Variants in ITPRID1 observed in about 807,000 individuals in gnomAD.
The protein encoded by ITPRID1 is ITPR interacting domain containing 1.
In ITPRID1, 96 loss-of-function variants were observed where a neutral mutation model predicts 95.4. That is an observed-to-expected ratio of 1.01 (90% CI 0.85 to 1.19). ITPRID1 has a LOEUF of 1.19. Ranked by LOEUF, ITPRID1 falls within the 50% of genes most tolerant of loss-of-function variation. The pLI is 0.00. For missense variants in ITPRID1, 1,339 were observed against 1,252.9 expected (o/e 1.07, Z -1.04); for synonymous variants, 510 against 453.6 (o/e 1.12, Z -1.58).
intron 1 of ITPRID1, chr7:31,529,745 CAGA>C (rs1309531330): frequency 6.5e-7 from 1 of 1,533,762 alleles, no homozygotes; most frequent in East Asian, 2.4e-5. Context: ...CAAAAAGGCA[CAGA>C]AGATCTCCAC....
intron 10 of ITPRID1, among the ~76,000 whole-genome samples, chr7:31,603,751 CTG>C (rs1336956763): frequency 6.6e-6 from 1 of 152,174 alleles, no homozygotes; most frequent in African/African-American, 2.4e-5. Flanking sequence ...AGCCCAGACT[CTG>C]TGTATGTTGG....
intron 1 of ITPRID1, among the ~76,000 whole-genome samples, chr7:31,519,621 T>TCTCTCTCTCTCC (rs1554279823): frequency 3.3e-4 from 10 of 30,220 alleles, no homozygotes; most frequent in Non-Finnish European, 5.1e-4. Flanking sequence ...TCTCTCTCTC[T>TCTCTCTCTCTCC]ATATATATAT....
intron 5 of ITPRID1, among the ~76,000 whole-genome samples, chr7:31,556,214 G>A (rs976666282): frequency 6.6e-6 from 1 of 152,140 alleles, no homozygotes; most frequent in Non-Finnish European, 1.5e-5. Flanking sequence ...AAGACCTGGA[G>A]GAAAATTGGG....
chr7:31,624,952 AG>A (rs1343738137), intron 10 of ITPRID1, among the ~76,000 whole-genome samples: 3 of 152,252 alleles, frequency 2.0e-5, no homozygotes, highest in Admixed American at 2.0e-4. Context: ...CCCATCAAAA[AG>A]TGGGCAAAGG....
At chr7:31,571,029 T>G (rs184535261) in intron 6 of ITPRID1, among the ~76,000 whole-genome samples, 125 of 151,472 alleles carry the variant, frequency 8.3e-4, no homozygotes, top group African/African-American at 2.3e-3. Flanking sequence ...TATTGTTTTT[T>G]TTTGTTTGTT....
chr7:31,554,445 A>T (rs1784382715), intron 3 of ITPRID1, 30 bp from the exon 4 acceptor site: 1 of 1,607,588 alleles, frequency 6.2e-7, no homozygotes, highest in Non-Finnish European at 8.5e-7. Flanking sequence ...TTGTGCTTTG[A>T]CTAACTGATC....
intron 10 of ITPRID1, among the ~76,000 whole-genome samples, chr7:31,614,617 T>TCCTTAG (rs1787035068): frequency 1.3e-5 from 2 of 152,174 alleles, no homozygotes; most frequent in Admixed American, 1.3e-4. Context: ...GGATGCTCAG[T>TCCTTAG]AAACATTATG....
At chr7:31,648,315 C>T (rs1400196374) in intron 12 of ITPRID1, among the ~76,000 whole-genome samples, 1 of 151,672 alleles carries the variant, frequency 6.6e-6, no homozygotes, top group Non-Finnish European at 1.5e-5. Flanking sequence ...ATAATCAAGC[C>T]TTTATATTGT....
chr7:31,638,694 T>C (rs1208213820), intron 10 of ITPRID1, among the ~76,000 whole-genome samples: 1 of 152,208 alleles, frequency 6.6e-6, no homozygotes, highest in Non-Finnish European at 1.5e-5. Flanking sequence ...TAACTCGATA[T>C]GTAATGTTCC....
At chr7:31,647,639 A>ACTCCAGC (rs1181988201) in intron 12 of ITPRID1, among the ~76,000 whole-genome samples, 1 of 141,670 alleles carries the variant, frequency 7.1e-6, no homozygotes, top group Non-Finnish European at 1.5e-5. Flanking sequence ...ATGCCACTGC[A>ACTCCAGC]CTCCAGCCTG....
chr7:31,572,322 A>C (rs565551132), intron 7 of ITPRID1, 134 bp downstream of exon 7: 3 of 613,580 alleles, frequency 4.9e-6, no homozygotes, highest in Non-Finnish European at 8.6e-6. Context: ...CCCATCTTGC[A>C]ATAACAATAT....
chr7:31,556,338 G>A (rs754632410), intron 5 of ITPRID1, among the ~76,000 whole-genome samples: 3 of 152,018 alleles, frequency 2.0e-5, no homozygotes, highest in Non-Finnish European at 2.9e-5. Flanking sequence ...CTGAGCCTTC[G>A]CTTGTACAAG....
intron 9 of ITPRID1, among the ~76,000 whole-genome samples, chr7:31,581,506 C>T (rs1785403232): frequency 6.6e-6 from 1 of 152,140 alleles, no homozygotes; most frequent in Non-Finnish European, 1.5e-5. Context: ...GCTTTCCCTC[C>T]TGTTTGCATA....
At chr7:31,521,107 T>G (rs577676447) in intron 1 of ITPRID1, among the ~76,000 whole-genome samples, 14 of 152,078 alleles carry the variant, frequency 9.2e-5, no homozygotes, top group African/African-American at 2.6e-4. Flanking sequence ...TTCTTTTTAG[T>G]TTTTCTGCTT....
chr7:31,570,426 T>G (rs114707180), intron 6 of ITPRID1, among the ~76,000 whole-genome samples: 198 of 152,330 alleles, frequency 1.3e-3, no homozygotes, highest in African/African-American at 4.5e-3. Context: ...TAAAAACCAC[T>G]GGAATAGACT....
rs1223077162 is a variant in ITPRID1, at chr7:31,604,459, C to T, written c.1228+21268C>T. Among the ~76,000 whole-genome samples, 4 of 152,154 alleles carry T rather than the reference C, an allele frequency of 2.6e-5. No individual in the cohort carries two copies. In the East Asian group the frequency reaches 7.7e-4, roughly 29 times the overall value. On this transcript the variant is annotated intron_variant, in intron 10 of 14. Coordinates refer to ENST00000615280, the MANE Select transcript of ITPRID1 (RefSeq NM_001257967.3). ...ATGTTTGTATAGTTAAGATACCATCCTAATGTAAAAATGTTGGTAGAACTA... is the reference window on the plus strand; with the variant it reads ...ATGTTTGTATAGTTAAGATACCATCTTAATGTAAAAATGTTGGTAGAACTA...
At chr7:31,516,959 GT>G (rs1783062092) in intron 1 of ITPRID1, among the ~76,000 whole-genome samples, 1 of 152,190 alleles carries the variant, frequency 6.6e-6, no homozygotes, top group African/African-American at 2.4e-5. Context: ...CTGCTGGTGG[GT>G]TTGTGGTCTC....
chr7:31,550,274 A>G (rs1784241546), intron 2 of ITPRID1, among the ~76,000 whole-genome samples: 1 of 151,308 alleles, frequency 6.6e-6, no homozygotes, highest in African/African-American at 2.4e-5. Context: ...TATACACATG[A>G]GGATAAATGA....
chr7:31,652,389 T>C (rs1484592283), intron 14 of ITPRID1, 129 bp from the exon 15 acceptor site: 4 of 1,366,306 alleles, frequency 2.9e-6, no homozygotes, highest in Non-Finnish European at 3.9e-6. Flanking sequence ...TATCAGAATC[T>C]GCTGCTGGCT....
Sources: gnomAD v4.1 joint callset for allele counts (sites outside exome capture counted in the v4.1 genomes callset) on GRCh38, gnomAD v4.1.1 for gene constraint, MANE v1.5 for transcripts, NCBI Gene and HGNC (gene_info 2026-07-23, HGNC 2026-07-21) for gene names.